CLIC5: variants seen among roughly 807,000 people sequenced by gnomAD.
CLIC5 encodes the protein chloride intracellular channel protein 5.
In CLIC5, 20 loss-of-function variants were observed where a neutral mutation model predicts 24.7. The observed-to-expected ratio is 0.81, with a 90% CI of 0.57 to 1.18. CLIC5 has a LOEUF of 1.18. Among genes scored for constraint, CLIC5 ranks in the 50% most tolerant of loss-of-function variants. The pLI is 0.00. For missense variants in CLIC5, 341 were observed against 326.1 expected (o/e 1.05, Z -0.35); for synonymous variants, 159 against 135.6 (o/e 1.17, Z -1.20).
At chr6:45,968,402 C>T (rs745690847) in intron 1 of CLIC5, among the ~76,000 whole-genome samples, 1 of 152,126 alleles carries the variant, frequency 6.6e-6, no homozygotes, top group Non-Finnish European at 1.5e-5. Context: ...CTGCCAGAAA[C>T]TGATTAAAGA....
chr6:45,970,754 A>C (rs527863019), intron 1 of CLIC5, among the ~76,000 whole-genome samples: 249 of 152,316 alleles, frequency 1.6e-3, no homozygotes, highest in African/African-American at 5.6e-3. Flanking sequence ...GACAACCTGC[A>C]TACTGGTCCC....
At chr6:45,969,796 G>GTTTTTTTTTTTTTTTTTTTT (rs397779323) in intron 1 of CLIC5, among the ~76,000 whole-genome samples, 1 of 105,314 alleles carries the variant, frequency 9.5e-6, no homozygotes. Context: ...TCACATCAAG[G>GTTTTTTTTTTTTTTTTTTTT]TTTTTTTTTT....
In CLIC5 at chr6:45,941,614, T is replaced by C. The variant is rs963019822; in HGVS notation, c.339A>G (p.Thr113=). The change falls in exon 4 of 6, where the codon ACA becomes ACG. Residue 113 remains threonine, a synonymous_variant. Coordinates refer to ENST00000339561, the MANE Select transcript of CLIC5 (RefSeq NM_016929.5). ...KLAAKHRESN[T]AGIDIFSKFS... is the part of the protein sequence containing the mutation. Reference sequence around the variant, plus strand: ...ACTTGGAAAAGATGTCGATGCCCGCTGTGTTGGATTCCCGGTGTTTTGCAG... The same window carrying C: ...ACTTGGAAAAGATGTCGATGCCCGCCGTGTTGGATTCCCGGTGTTTTGCAG... 4.3e-6 allele frequency: 7 copies of C among 1,613,850 alleles called. No individual in the cohort carries two copies. The highest frequency in any genetic ancestry group is 1.3e-5 in the African/African-American group (1 of 74,880).
intron 4 of CLIC5, among the ~76,000 whole-genome samples, chr6:45,921,416 G>A (rs1581738479): frequency 6.6e-6 from 1 of 152,174 alleles, no homozygotes; most frequent in African/African-American, 2.4e-5. Flanking sequence ...AACAAACACA[G>A]TAGCAGAGCA....
At chr6:46,090,031 A>T in the CLIC5 span, among the ~76,000 whole-genome samples, 1 of 152,212 alleles carries the variant, frequency 6.6e-6, no homozygotes, top group Non-Finnish European at 1.5e-5. Context: ...GTCCCCCAAC[A>T]GCTGACACTA....
chr6:46,087,487 C>A, the CLIC5 span, among the ~76,000 whole-genome samples: 5 of 152,138 alleles, frequency 3.3e-5, no homozygotes, highest in Non-Finnish European at 7.4e-5. Flanking sequence ...TACTGCTCTG[C>A]CCTGGCACTG....
At chr6:45,974,154 G>T (rs1765297393) in intron 1 of CLIC5, among the ~76,000 whole-genome samples, 1 of 151,634 alleles carries the variant, frequency 6.6e-6, no homozygotes, top group Admixed American at 6.6e-5. Context: ...AGAGAGAGGA[G>T]AAATATATAT....
At chr6:45,945,016 G>A (rs2127373666) in intron 3 of CLIC5, among the ~76,000 whole-genome samples, 1 of 152,258 alleles carries the variant, frequency 6.6e-6, no homozygotes, top group East Asian at 1.9e-4. Context: ...TGCTGTGTAA[G>A]CAAAAGATCT....
intron 1 of CLIC5, among the ~76,000 whole-genome samples, chr6:46,000,597 C>T (rs1029470020): frequency 3.3e-5 from 5 of 152,162 alleles, no homozygotes; most frequent in African/African-American, 9.7e-5. Flanking sequence ...GTTTAATTGA[C>T]TCACGGTTCC....
At chr6:46,113,284 C>T in the CLIC5 span, among the ~76,000 whole-genome samples, 19 of 152,244 alleles carry the variant, frequency 1.2e-4, no homozygotes, top group Non-Finnish European at 2.5e-4. Flanking sequence ...AACTCAAAAG[C>T]TCCAACTGGC....
At chr6:46,113,612 T>C in the CLIC5 span, among the ~76,000 whole-genome samples, 19 of 152,306 alleles carry the variant, frequency 1.2e-4, no homozygotes, top group South Asian at 3.9e-3. Context: ...AGGTGAGTCA[T>C]GCTGGCAAGG....
At chr6:46,085,237 G>T (rs1222628953), upstream of CLIC5, among the ~76,000 whole-genome samples, 1 of 152,128 alleles carries the variant, frequency 6.6e-6, no homozygotes, top group African/African-American at 2.4e-5. Flanking sequence ...CTATAGCTCG[G>T]AGTAGTTTGA....
chr6:45,984,266 A>G lies in CLIC5; in HGVS notation c.64-29022T>C, dbSNP rs144336027. On this transcript the variant is annotated intron_variant, in intron 1 of 5. Coordinates refer to ENST00000339561, the MANE Select transcript of CLIC5 (RefSeq NM_016929.5). ...AAGATGAGAGGGATGTGTAGAATTA[A>G]TTCTCGAGTACTTTCCAGGCCTCCT... 3.0e-4 allele frequency among the ~76,000 whole-genome samples: 46 copies of G among 152,308 alleles called. No individual in the cohort carries two copies. In the East Asian group the frequency reaches 8.5e-3, roughly 28 times the overall value.
chr6:46,012,878 A>C (rs143744647), intron 1 of CLIC5, among the ~76,000 whole-genome samples: 1 of 152,356 alleles, frequency 6.6e-6, no homozygotes, highest in East Asian at 1.9e-4. Context: ...TATCTTTCAC[A>C]TAAGTGAATC....
chr6:45,959,714 A>T (rs1204335), intron 1 of CLIC5, among the ~76,000 whole-genome samples: 131,867 of 152,134 alleles, frequency 0.87, 57,627 homozygotes, highest in Non-Finnish European at 0.9. Context: ...AAAACTGCTT[A>T]GTGAGGGAGG....
At chr6:46,019,153 A>G (rs1165990297), upstream of CLIC5, among the ~76,000 whole-genome samples, 1 of 152,118 alleles carries the variant, frequency 6.6e-6, no homozygotes, top group East Asian at 1.9e-4. Flanking sequence ...AAAAGGCAGA[A>G]AAGAGGAAGA....
the CLIC5 span, among the ~76,000 whole-genome samples, chr6:46,091,981 G>A: frequency 2.0e-5 from 3 of 152,098 alleles, no homozygotes; most frequent in Non-Finnish European, 4.4e-5. Flanking sequence ...CCAACAGTGG[G>A]CAAGCGTCCC....
At chr6:45,993,807 C>T (rs1208354169) in intron 1 of CLIC5, among the ~76,000 whole-genome samples, 2 of 152,110 alleles carry the variant, frequency 1.3e-5, no homozygotes, top group African/African-American at 4.8e-5. Flanking sequence ...TACTATGTGC[C>T]CAGTACTATG....
At chr6:46,012,077 C>T (rs1766828633) in intron 1 of CLIC5, among the ~76,000 whole-genome samples, 1 of 152,222 alleles carries the variant, frequency 6.6e-6, no homozygotes, top group African/African-American at 2.4e-5. Flanking sequence ...TTTTCATAAC[C>T]AGAATGACCA....
Sources: gnomAD v4.1 joint callset for allele counts (sites outside exome capture counted in the v4.1 genomes callset) on GRCh38, gnomAD v4.1.1 for gene constraint, MANE v1.5 for transcripts, NCBI Gene and HGNC (gene_info 2026-07-23, HGNC 2026-07-21) for gene names.